The following RGS6 variants were observed in gnomAD, a reference collection of about 807,000 sequenced individuals.
RGS6 encodes regulator of G-protein signaling 6.
Under a neutral mutation model 78.5 loss-of-function variants are expected in RGS6, and 30 were observed. The observed-to-expected ratio is 0.38, with a 90% CI of 0.29 to 0.52. The LOEUF is 0.52. RGS6 is among the 20% of genes least tolerant of loss of function. The pLI is 0.85. For missense variants in RGS6, 495 were observed against 609.7 expected (o/e 0.81, Z 1.98); for synonymous variants, 206 against 206.0 (o/e 1.00, Z 0.00).
chr14:72,069,568 C>G (rs1454400145), intron 2 of RGS6, among the ~76,000 whole-genome samples: 1 of 151,986 alleles, frequency 6.6e-6, no homozygotes, highest in Non-Finnish European at 1.5e-5. Flanking sequence ...AAGACAGGGT[C>G]ACATTCCATA....
At chr14:71,896,675 G>T in the RGS6 span, among the ~76,000 whole-genome samples, 2 of 152,130 alleles carry the variant, frequency 1.3e-5, no homozygotes, top group African/African-American at 4.8e-5. Flanking sequence ...TCTGACAAAA[G>T]GACTCTTGAA....
In RGS6 at chr14:72,468,486, T is replaced by A. The variant is rs186585478; in HGVS notation, c.460-1521T>A. On this transcript the variant is annotated intron_variant, in intron 7 of 17. Transcript: ENST00000553525. ...TGCTTCCAAAATGCAATAATTTTTTTATGAATTTTCTGATTACATATTCTT... is the reference window on the plus strand; with the variant it reads ...TGCTTCCAAAATGCAATAATTTTTTAATGAATTTTCTGATTACATATTCTT... 5.0e-4 allele frequency among the ~76,000 whole-genome samples: 76 copies of A among 152,370 alleles called. 1 individual carries two copies. The highest frequency in any genetic ancestry group is 7.8e-4 in the Admixed American group (12 of 15,312).
At chr14:72,521,432 G>A (rs1043918084) in intron 15 of RGS6, among the ~76,000 whole-genome samples, 34 of 152,224 alleles carry the variant, frequency 2.2e-4, no homozygotes, top group African/African-American at 7.2e-4. Flanking sequence ...TTTGATGGAA[G>A]AAGTGGGGAA....
At chr14:72,385,086 C>T (rs912359490) in intron 3 of RGS6, among the ~76,000 whole-genome samples, 2 of 152,078 alleles carry the variant, frequency 1.3e-5, no homozygotes, top group Non-Finnish European at 2.9e-5. Flanking sequence ...TAGCACCTGC[C>T]CGTCATCTTT....
chr14:72,110,831 A>T (rs2095743893), intron 2 of RGS6, among the ~76,000 whole-genome samples: 1 of 152,154 alleles, frequency 6.6e-6, no homozygotes, highest in Admixed American at 6.5e-5. Context: ...AGCCTGGGAC[A>T]TTGCCCACAC....
At chr14:72,368,219 G>A (rs888107232) in intron 3 of RGS6, among the ~76,000 whole-genome samples, 6 of 152,138 alleles carry the variant, frequency 3.9e-5, no homozygotes, top group African/African-American at 9.7e-5. Flanking sequence ...AACTGGGGAT[G>A]GGGGGTGCAA....
At chr14:72,103,208 C>T (rs558013168) in intron 2 of RGS6, among the ~76,000 whole-genome samples, 4 of 152,168 alleles carry the variant, frequency 2.6e-5, no homozygotes, top group Non-Finnish European at 5.9e-5. Flanking sequence ...CAGTGCCTCC[C>T]TTTCCCGTTA....
At chr14:72,506,192 A>G (rs2096796552) in intron 13 of RGS6, among the ~76,000 whole-genome samples, 2 of 152,266 alleles carry the variant, frequency 1.3e-5, no homozygotes, top group African/African-American at 2.4e-5. Flanking sequence ...TGCTCATTAC[A>G]AAGACACATG....
chr14:72,332,077 C>T (rs1426804584), intron 2 of RGS6, among the ~76,000 whole-genome samples: 1 of 152,174 alleles, frequency 6.6e-6, no homozygotes, highest in African/African-American at 2.4e-5. Context: ...CAGCATCTGG[C>T]TAGACACTGT....
chr14:72,249,260 C>T lies in RGS6; in HGVS notation c.85-102835C>T, dbSNP rs2055022276. 2.0e-5 allele frequency among the ~76,000 whole-genome samples: 3 copies of T among 152,074 alleles called. No individual in the cohort carries two copies. The South Asian group carries it at 6.2e-4, about 32-fold the overall frequency. ...AAAGGCCTGGTTAAGAAGAGGTGGCCAGGAAAAGCATCATAAACAAAACCA... is the reference window on the plus strand; with the variant it reads ...AAAGGCCTGGTTAAGAAGAGGTGGCTAGGAAAAGCATCATAAACAAAACCA... On this transcript the variant is annotated intron_variant, in intron 2 of 17. Coordinates refer to ENST00000553525, the MANE Select transcript of RGS6 (RefSeq NM_001204424.2).
the RGS6 span, among the ~76,000 whole-genome samples, chr14:71,880,867 C>T: frequency 6.6e-6 from 1 of 152,122 alleles, no homozygotes. Flanking sequence ...TCCTCCAGAC[C>T]CCAGAATGGT....
intron 2 of RGS6, among the ~76,000 whole-genome samples, chr14:71,996,763 G>A (rs1000233920): frequency 3.3e-5 from 5 of 149,958 alleles, no homozygotes; most frequent in African/African-American, 1.2e-4. Context: ...CTGCCAGGAG[G>A]AAAGTGTGGG....
At chr14:72,462,349 T>C (rs1327696250) in intron 6 of RGS6, among the ~76,000 whole-genome samples, 1 of 152,092 alleles carries the variant, frequency 6.6e-6, no homozygotes, top group Non-Finnish European at 1.5e-5. Context: ...GGCAGTCAAG[T>C]AGAGACATTT....
chr14:72,334,407 T>C (rs2075659107), intron 2 of RGS6, among the ~76,000 whole-genome samples: 1 of 152,152 alleles, frequency 6.6e-6, no homozygotes, highest in Non-Finnish European at 1.5e-5. Context: ...GTTAAGCCCA[T>C]AGGGTGGACA....
At chr14:71,962,516 G>C (rs953277076) in intron 1 of RGS6, among the ~76,000 whole-genome samples, 1 of 152,152 alleles carries the variant, frequency 6.6e-6, no homozygotes, top group African/African-American at 2.4e-5. Flanking sequence ...TCTGTATTAA[G>C]GCAAAGGAGT....
At chr14:71,963,801 T>C (rs552219930) in intron 1 of RGS6, among the ~76,000 whole-genome samples, 2 of 152,364 alleles carry the variant, frequency 1.3e-5, no homozygotes, top group African/African-American at 4.8e-5. Flanking sequence ...CTTTTAACTA[T>C]TGTGAATAGT....
the RGS6 span, among the ~76,000 whole-genome samples, chr14:71,872,939 A>G: frequency 6.6e-6 from 1 of 152,112 alleles, no homozygotes. Context: ...ATGGTTTCCA[A>G]CTTCATCCAT....
chr14:71,968,698 T>C (rs997777969), intron 2 of RGS6, among the ~76,000 whole-genome samples: 1 of 152,196 alleles, frequency 6.6e-6, no homozygotes, highest in African/African-American at 2.4e-5. Context: ...AACCACAGAC[T>C]ACTGTTACCA....
intron 2 of RGS6, among the ~76,000 whole-genome samples, chr14:72,150,858 G>A (rs10143601): frequency 0.023 from 3,550 of 152,228 alleles, 137 homozygotes; most frequent in African/African-American, 0.08. Flanking sequence ...GGGTAGGGAC[G>A]CAAATCCAAT....
Sources: allele counts gnomAD v4.1 joint callset (sites outside exome capture counted in the v4.1 genomes callset), GRCh38; gene constraint gnomAD v4.1.1; transcripts MANE v1.5; gene names NCBI Gene and HGNC (gene_info 2026-07-23, HGNC 2026-07-21).